FOXK2: variants seen among roughly 807,000 people sequenced by gnomAD.
FOXK2 encodes forkhead box protein K2.
Under a neutral mutation model 53.3 loss-of-function variants are expected in FOXK2, and 24 were observed. The observed-to-expected ratio is 0.45, with a 90% CI of 0.33 to 0.63. The LOEUF is 0.63. Among genes scored for constraint, FOXK2 ranks in the 30% least tolerant of loss-of-function variants. The pLI is 0.03. For missense variants in FOXK2, 952 were observed against 910.5 expected (o/e 1.05, Z -0.59); for synonymous variants, 505 against 407.1 (o/e 1.24, Z -2.89).
At chr17:82,534,771 A>C (rs1223741222) in intron 1 of FOXK2, among the ~76,000 whole-genome samples, 1 of 152,192 alleles carries the variant, frequency 6.6e-6, no homozygotes, top group Non-Finnish European at 1.5e-5. Flanking sequence ...TGTCCCCAGA[A>C]GTAATATTTA....
chr17:82,590,033 G>A (rs1010990230), intron 8 of FOXK2, among the ~76,000 whole-genome samples: 4 of 150,830 alleles, frequency 2.7e-5, no homozygotes, highest in African/African-American at 7.3e-5. Context: ...GCAACACAGC[G>A]AGACTCCATC....
At chr17:82,521,136 T>C (rs2044357751) in intron 1 of FOXK2, among the ~76,000 whole-genome samples, 1 of 152,184 alleles carries the variant, frequency 6.6e-6, no homozygotes, top group African/African-American at 2.4e-5. Context: ...TTCTAGATCA[T>C]TGCAAGTACA....
chr17:82,533,803 G>T (rs1292035556), intron 1 of FOXK2, among the ~76,000 whole-genome samples: 1 of 150,774 alleles, frequency 6.6e-6, no homozygotes, highest in East Asian at 2.0e-4. Flanking sequence ...GGTTAGCCGG[G>T]CGTGGTGACG....
intron 8 of FOXK2, chr17:82,600,382 G>A (rs1239075281): frequency 6.6e-6 from 1 of 152,310 alleles, no homozygotes; most frequent in Non-Finnish European, 1.5e-5. Flanking sequence ...AAGAGTCAGT[G>A]CTGGATTCTC....
At chr17:82,552,901 C>T (rs139531327) in intron 1 of FOXK2, among the ~76,000 whole-genome samples, 54 of 152,240 alleles carry the variant, frequency 3.5e-4, no homozygotes, top group African/African-American at 9.9e-4. Flanking sequence ...CACCCCGTTA[C>T]GTAAAATCAC....
At chr17:82,579,995 C>A (rs1458103908) in intron 4 of FOXK2, among the ~76,000 whole-genome samples, 2 of 123,282 alleles carry the variant, frequency 1.6e-5, no homozygotes, top group Non-Finnish European at 1.7e-5. Flanking sequence ...AGATCCCTCC[C>A]ACACATGGCC....
chr17:82,597,630 A>G (rs2045329232), intron 8 of FOXK2, among the ~76,000 whole-genome samples: 1 of 152,024 alleles, frequency 6.6e-6, no homozygotes, highest in African/African-American at 2.4e-5. Flanking sequence ...GGATGAGAGT[A>G]TTTAAGTGTC....
intron 1 of FOXK2, among the ~76,000 whole-genome samples, chr17:82,525,003 T>A (rs1440719486): frequency 2.7e-5 from 4 of 146,656 alleles, no homozygotes; most frequent in South Asian, 4.5e-4. Context: ...TTTAAATCGG[T>A]CTCTGTCTGT....
intron 8 of FOXK2, chr17:82,596,330 A>G (rs2143170469): frequency 1.9e-6 from 1 of 530,712 alleles, no homozygotes; most frequent in Non-Finnish European, 2.4e-6. Context: ...TTCCCTTCTC[A>G]TCGTTCCTGC....
chr17:82,561,449 T>C (rs998175607), intron 1 of FOXK2, among the ~76,000 whole-genome samples: 4 of 151,848 alleles, frequency 2.6e-5, no homozygotes, highest in Non-Finnish European at 5.9e-5. Flanking sequence ...GCCTGGAGCA[T>C]TGAACCTTGA....
chr17:82,531,364 TG>T lies in FOXK2; in HGVS notation c.419+11058del, dbSNP rs752601487. Among the ~76,000 whole-genome samples the T allele has an allele frequency of 2.0e-5, 3 of 152,360 alleles. No individual in the cohort carries two copies. In the South Asian group the frequency reaches 6.2e-4, roughly 32 times the overall value. Reference sequence around the variant, plus strand: ...TTAAATTCACTTCTGATTCTACAGTTGCTCCCACTTTTTTTTGTTTTTGTTG... The same window carrying T: ...TTAAATTCACTTCTGATTCTACAGTTCTCCCACTTTTTTTTGTTTTTGTTG... On this transcript the variant is annotated intron_variant, in intron 1 of 8. Coordinates refer to ENST00000335255, the MANE Select transcript of FOXK2 (RefSeq NM_004514.4).
chr17:82,552,286 G>T (rs1297480680), intron 1 of FOXK2, among the ~76,000 whole-genome samples: 1 of 152,186 alleles, frequency 6.6e-6, no homozygotes, highest in Admixed American at 6.5e-5. Context: ...CACTCCGTTA[G>T]TGTTTCACCA....
At position 82,573,552 on chromosome 17, in the gene FOXK2, TCTCTCTCTCTCACACA is replaced by T. The variant is rs760109016; in HGVS notation, c.909+1684_909+1699del. Among the ~76,000 whole-genome samples, 22 of 107,426 alleles carry T rather than the reference TCTCTCTCTCTCACACA, an allele frequency of 2.0e-4. No homozygotes were observed. The East Asian group carries it at 3.8e-3, about 18-fold the overall frequency. 70.5% of individuals were successfully genotyped at this position (107,426 alleles called of 152,430 possible). ...CACACACACACTCTCTCTCTCTCTC[TCTCTCTCTCTCACACA>T]CACACACACACACACACACACACAC... On this transcript the variant is annotated intron_variant, in intron 4 of 8. Transcript: ENST00000335255.
At chr17:82,565,371 G>A (rs4401076) in intron 2 of FOXK2, among the ~76,000 whole-genome samples, 39,508 of 152,076 alleles carry the variant, frequency 0.26, 5,460 homozygotes, top group East Asian at 0.39. Context: ...CATCAGTAGT[G>A]AAAAGGTGTT....
chr17:82,540,865 C>T (rs534861691), intron 1 of FOXK2, among the ~76,000 whole-genome samples: 2 of 152,320 alleles, frequency 1.3e-5, no homozygotes, highest in African/African-American at 4.8e-5. Flanking sequence ...GCGCATCACA[C>T]CTGGGCTTGT....
intron 1 of FOXK2, among the ~76,000 whole-genome samples, chr17:82,529,221 T>TTA (rs2044447751): frequency 7.1e-6 from 1 of 141,560 alleles, no homozygotes; most frequent in Non-Finnish European, 1.5e-5. Context: ...AAAGCGCCTT[T>TTA]TTTTTTTTTT....
chr17:82,596,998 C>T (rs1048881082), intron 8 of FOXK2, among the ~76,000 whole-genome samples: 5 of 152,214 alleles, frequency 3.3e-5, no homozygotes, highest in Non-Finnish European at 5.9e-5. Context: ...GCAAGCCTGT[C>T]TACGAGTTCA....
At chr17:82,584,911 G>A (rs112237713) in intron 6 of FOXK2, among the ~76,000 whole-genome samples, 5,538 of 152,320 alleles carry the variant, frequency 0.036, 145 homozygotes, top group Non-Finnish European at 0.054. Flanking sequence ...TCATAATGTG[G>A]AATAAAAATG....
At chr17:82,587,863 G>C (rs1266736849) in intron 8 of FOXK2, among the ~76,000 whole-genome samples, 1 of 152,224 alleles carries the variant, frequency 6.6e-6, no homozygotes, top group Non-Finnish European at 1.5e-5. Context: ...TGGCTCAGGT[G>C]TGGGCTCCCG....
Sources: gnomAD v4.1 joint callset for allele counts (sites outside exome capture counted in the v4.1 genomes callset) on GRCh38, gnomAD v4.1.1 for gene constraint, MANE v1.5 for transcripts, NCBI Gene and HGNC (gene_info 2026-07-23, HGNC 2026-07-21) for gene names.